Variants in HS6ST3 observed in about 807,000 individuals in gnomAD.
HS6ST3 encodes the protein heparan-sulfate 6-O-sulfotransferase 3.
A neutral mutation model predicts 36.7 loss-of-function variants in HS6ST3; 12 were observed. The ratio of observed to expected loss-of-function variants is 0.33; its 90% CI spans 0.21 to 0.53. The LOEUF is 0.53. HS6ST3 is among the 20% of genes least tolerant of loss of function. The pLI, the probability that HS6ST3 is intolerant of heterozygous loss-of-function variation, is 0.95. For missense variants in HS6ST3, 584 were observed against 640.9 expected, an observed-to-expected ratio of 0.91 and a Z score of 0.96; for synonymous variants, 240 against 257.5, an observed-to-expected ratio of 0.93 and a Z score of 0.65.
intron 1 of HS6ST3, among the ~76,000 whole-genome samples, chr13:96,414,999 G>T (rs2139464393): frequency 6.6e-6 from 1 of 152,156 alleles, no homozygotes; most frequent in Middle Eastern, 3.4e-3. Context: ...AATTCAACAT[G>T]TTTTATTTTT....
At chr13:96,330,483 T>G (rs2055059898) in intron 1 of HS6ST3, among the ~76,000 whole-genome samples, 1 of 150,540 alleles carries the variant, frequency 6.6e-6, no homozygotes, top group Admixed American at 6.6e-5. Context: ...TTGAAAATTC[T>G]TTTCTTTAAG....
intron 1 of HS6ST3, among the ~76,000 whole-genome samples, chr13:96,340,089 A>G (rs575747682): frequency 1.8e-4 from 28 of 152,212 alleles, no homozygotes; most frequent in Admixed American, 1.7e-3. Flanking sequence ...AATTGCCACT[A>G]TGTTGTTTTA....
At chr13:96,754,062 A>G (rs754780162) in intron 1 of HS6ST3, among the ~76,000 whole-genome samples, 10 of 152,028 alleles carry the variant, frequency 6.6e-5, no homozygotes, top group Non-Finnish European at 1.5e-4. Context: ...CAAGTGATCC[A>G]CCTGCTTCGG....
At chr13:96,718,180 A>G (rs1875750524) in intron 1 of HS6ST3, among the ~76,000 whole-genome samples, 1 of 152,200 alleles carries the variant, frequency 6.6e-6, no homozygotes, top group Non-Finnish European at 1.5e-5. Context: ...TGATTATTAA[A>G]TAATCATCTG....
intron 1 of HS6ST3, among the ~76,000 whole-genome samples, chr13:96,689,227 G>A (rs766041788): frequency 6.6e-6 from 1 of 151,982 alleles, no homozygotes; most frequent in Non-Finnish European, 1.5e-5. Flanking sequence ...TCAGCACTTG[G>A]CAAGTTATTA....
chr13:96,171,600 T>C (rs994302211), intron 1 of HS6ST3, among the ~76,000 whole-genome samples: 2 of 152,378 alleles, frequency 1.3e-5, no homozygotes, highest in African/African-American at 4.8e-5. Context: ...CATGCAGTAT[T>C]GTGGTTTTTC....
intron 1 of HS6ST3, among the ~76,000 whole-genome samples, chr13:96,552,247 T>G (rs1447244589): frequency 1.3e-5 from 2 of 152,202 alleles, no homozygotes; most frequent in African/African-American, 4.8e-5. Context: ...CACGTTTTAC[T>G]TTTCTGAAGC....
At chr13:96,673,342 C>G (rs2056688472) in intron 1 of HS6ST3, among the ~76,000 whole-genome samples, 1 of 152,110 alleles carries the variant, frequency 6.6e-6, no homozygotes. Context: ...TTTACAGGTT[C>G]TAGAAATTAG....
rs1329700916 is a variant in HS6ST3 at position 96,130,135 on chromosome 13, G to C, written c.707+38566G>C. Among the ~76,000 whole-genome samples the C allele has an allele frequency of 2.6e-5, 4 of 152,282 alleles. No individual in the cohort carries two copies. The East Asian group carries it at 7.7e-4, about 29-fold the overall frequency. The stretch of plus-strand genomic sequence containing the variant: ...TGAGAATATGTAATTTTGGGGAGAA[G>C]GATGCTAACTTTTTGGTATATACAT... On this transcript the variant is annotated intron_variant, in intron 1 of 1. Transcript: ENST00000376705.
At chr13:96,491,719 ATATACACATG>A (rs1206666068) in intron 1 of HS6ST3, among the ~76,000 whole-genome samples, 1 of 152,134 alleles carries the variant, frequency 6.6e-6, no homozygotes, top group East Asian at 1.9e-4. Context: ...TGGTCAGCCC[ATATACACATG>A]GCCTCTTCCA....
chr13:96,656,460 T>C (rs1010300253), intron 1 of HS6ST3, among the ~76,000 whole-genome samples: 2 of 152,158 alleles, frequency 1.3e-5, no homozygotes, highest in Non-Finnish European at 2.9e-5. Flanking sequence ...CCAAGAGATA[T>C]GACAGAAATC....
At chr13:96,473,068 C>G (rs186193376) in intron 1 of HS6ST3, among the ~76,000 whole-genome samples, 2 of 152,148 alleles carry the variant, frequency 1.3e-5, no homozygotes, top group Non-Finnish European at 2.9e-5. Context: ...AAGCCAAATG[C>G]GTGCTCTTCC....
chr13:96,263,050 C>T (rs2054674253), intron 1 of HS6ST3, among the ~76,000 whole-genome samples: 1 of 151,912 alleles, frequency 6.6e-6, no homozygotes, highest in Admixed American at 6.6e-5. Flanking sequence ...TTTTACAAAA[C>T]AAAAATTTGA....
chr13:96,742,636 G>A (rs554768700), intron 1 of HS6ST3, among the ~76,000 whole-genome samples: 17 of 152,198 alleles, frequency 1.1e-4, no homozygotes, highest in Non-Finnish European at 2.1e-4. Context: ...TTTCAGGTAC[G>A]TGATATTTCA....
At chr13:96,170,933 G>GCACA (rs1343226446) in intron 1 of HS6ST3, among the ~76,000 whole-genome samples, 13 of 151,736 alleles carry the variant, frequency 8.6e-5, no homozygotes, top group African/African-American at 2.2e-4. Flanking sequence ...GCGCACGTGC[G>GCACA]CACACACACA....
intron 1 of HS6ST3, among the ~76,000 whole-genome samples, chr13:96,791,136 C>A (rs192294251): frequency 1.5e-3 from 230 of 152,074 alleles, no homozygotes; most frequent in Admixed American, 3.5e-3. Context: ...GAAATATATT[C>A]TACTGAGGTT....
At chr13:96,494,597 G>A (rs1242908083) in intron 1 of HS6ST3, among the ~76,000 whole-genome samples, 1 of 150,624 alleles carries the variant, frequency 6.6e-6, no homozygotes, top group African/African-American at 2.4e-5. Flanking sequence ...ACTAAAGGGA[G>A]GGTCCAGGAA....
intron 1 of HS6ST3, among the ~76,000 whole-genome samples, chr13:96,186,708 G>C (rs2054266521): frequency 6.6e-6 from 1 of 152,186 alleles, no homozygotes; most frequent in South Asian, 2.1e-4. Flanking sequence ...GGGAGCCTAT[G>C]ACATTTTTCC....
chr13:96,467,798 C>T (rs1397028648), intron 1 of HS6ST3, among the ~76,000 whole-genome samples: 1 of 151,984 alleles, frequency 6.6e-6, no homozygotes, highest in African/African-American at 2.4e-5. Flanking sequence ...AATCATGTGC[C>T]CAAAGTCCTG....
Sources: allele counts gnomAD v4.1 joint callset (sites outside exome capture counted in the v4.1 genomes callset), GRCh38; gene constraint gnomAD v4.1.1; transcripts MANE v1.5; gene names NCBI Gene and HGNC (gene_info 2026-07-23, HGNC 2026-07-21).